Variants in NELL1 observed in about 807,000 individuals in gnomAD.
The protein encoded by NELL1 is protein kinase C-binding protein NELL1.
In NELL1, 76 loss-of-function variants were observed where a neutral mutation model predicts 107.4. The observed-to-expected ratio is 0.71, with a 90% CI of 0.59 to 0.86. The LOEUF is 0.86. NELL1 is among the 40% of genes least tolerant of loss of function. The probability of loss-of-function intolerance (pLI) is 0.00; values close to 1 mark genes in which losing one functional copy is unlikely to be tolerated. For synonymous variants in NELL1, 353 were observed against 341.2 expected, an observed-to-expected ratio of 1.03 and a Z score of -0.38; for missense variants, 1,024 against 1,005.5, an observed-to-expected ratio of 1.02 and a Z score of -0.25.
intron 13 of NELL1, among the ~76,000 whole-genome samples, chr11:21,126,216 C>T (rs1055519917): frequency 6.6e-6 from 1 of 152,112 alleles, no homozygotes; most frequent in Admixed American, 6.6e-5. Flanking sequence ...CAAATATAAC[C>T]TCCATCAGAG....
chr11:21,104,481 C>G (rs11025922), intron 12 of NELL1, among the ~76,000 whole-genome samples: 1,811 of 152,264 alleles, frequency 0.012, 35 homozygotes, highest in African/African-American at 0.042. Context: ...AATGACTTAG[C>G]ATGAATTCCC....
At chr11:21,362,439 T>C (rs1464017895) in intron 14 of NELL1, among the ~76,000 whole-genome samples, 2 of 152,188 alleles carry the variant, frequency 1.3e-5, no homozygotes, top group Non-Finnish European at 2.9e-5. Context: ...TGGTTGTGGA[T>C]ATGTTTAGTG....
At chr11:21,444,084 T>C (rs1415663280) in intron 15 of NELL1, among the ~76,000 whole-genome samples, 2 of 152,154 alleles carry the variant, frequency 1.3e-5, no homozygotes, top group Non-Finnish European at 2.9e-5. Flanking sequence ...TCTTCCAGTG[T>C]GTATACATTG....
At chr11:20,804,372 A>G (rs1229891274) in intron 3 of NELL1, among the ~76,000 whole-genome samples, 1 of 152,138 alleles carries the variant, frequency 6.6e-6, no homozygotes, top group Non-Finnish European at 1.5e-5. Flanking sequence ...AGTAGCTGAG[A>G]CTACAGGCAC....
intron 16 of NELL1, among the ~76,000 whole-genome samples, chr11:21,542,567 TG>T (rs760454079): frequency 8.6e-5 from 13 of 152,016 alleles, no homozygotes; most frequent in Non-Finnish European, 1.8e-4. Context: ...CTACGCGACA[TG>T]TTTTTGACAG....
chr11:20,994,914 A>C (rs1852055928), intron 12 of NELL1, among the ~76,000 whole-genome samples: 1 of 152,182 alleles, frequency 6.6e-6, no homozygotes, highest in Admixed American at 6.5e-5. Flanking sequence ...CCTTGAGACA[A>C]TCAGGTCTTG....
chr11:20,772,249 T>C (rs962369729), intron 2 of NELL1, among the ~76,000 whole-genome samples: 2 of 152,142 alleles, frequency 1.3e-5, no homozygotes, highest in Non-Finnish European at 2.9e-5. Context: ...AGGAGGAGTG[T>C]TGCTACGTAG....
intron 14 of NELL1, among the ~76,000 whole-genome samples, chr11:21,348,050 G>C (rs985601015): frequency 4.6e-5 from 7 of 152,160 alleles, no homozygotes; most frequent in Non-Finnish European, 1.5e-5. Flanking sequence ...ACCTGATGTG[G>C]CTAGAAGCTC....
chr11:21,332,999 A>G (rs1850305922), intron 14 of NELL1, among the ~76,000 whole-genome samples: 1 of 152,058 alleles, frequency 6.6e-6, no homozygotes, highest in African/African-American at 2.4e-5. Context: ...AAATAAATCA[A>G]TAAGTGCATA....
At chr11:20,805,258 A>G (rs1479380350) in intron 3 of NELL1, among the ~76,000 whole-genome samples, 2 of 152,108 alleles carry the variant, frequency 1.3e-5, no homozygotes, top group African/African-American at 4.8e-5. Flanking sequence ...CAGACACTTC[A>G]TGTCTTTTGA....
intron 13 of NELL1, among the ~76,000 whole-genome samples, chr11:21,212,859 C>T (rs1368029575): frequency 6.6e-6 from 1 of 151,816 alleles, no homozygotes; most frequent in Non-Finnish European, 1.5e-5. Context: ...AAGTTTTAGC[C>T]AAAACAATAA....
intron 13 of NELL1, among the ~76,000 whole-genome samples, chr11:21,156,444 A>G (rs1856236644): frequency 6.6e-6 from 1 of 152,132 alleles, no homozygotes; most frequent in African/African-American, 2.4e-5. Flanking sequence ...AGTGGAGCTC[A>G]TCTAGGCTAA....
At chr11:21,128,201 A>C (rs1262778917) in intron 13 of NELL1, among the ~76,000 whole-genome samples, 2 of 152,112 alleles carry the variant, frequency 1.3e-5, no homozygotes, top group African/African-American at 2.4e-5. Context: ...GACCCCACAT[A>C]ATTATTTTAC....
intron 12 of NELL1, among the ~76,000 whole-genome samples, chr11:21,099,234 AACACAC>A (rs1554967542): frequency 1.6e-5 from 1 of 64,004 alleles, no homozygotes; most frequent in African/African-American, 8.1e-5. Flanking sequence ...CACACACACA[AACACAC>A]ACACACACAC....
At chr11:21,441,251 C>A (rs1025546527) in intron 15 of NELL1, among the ~76,000 whole-genome samples, 1 of 151,140 alleles carries the variant, frequency 6.6e-6, no homozygotes, top group Non-Finnish European at 1.5e-5. Flanking sequence ...AAAGTGTCAA[C>A]CTTTGACATC....
intron 14 of NELL1, among the ~76,000 whole-genome samples, chr11:21,243,383 G>C (rs1858412567): frequency 6.6e-6 from 1 of 152,026 alleles, no homozygotes; most frequent in Admixed American, 6.6e-5. Context: ...AAATGATTTT[G>C]ACTCAGCCTC....
chr11:21,325,193 A>T (rs1262613969), intron 14 of NELL1, among the ~76,000 whole-genome samples: 2 of 152,090 alleles, frequency 1.3e-5, no homozygotes, highest in Admixed American at 1.3e-4. Flanking sequence ...TAGTATGACT[A>T]CTTTAATCTC....
chr11:20,994,575 C>T (rs1031100479), intron 12 of NELL1, among the ~76,000 whole-genome samples: 1 of 151,954 alleles, frequency 6.6e-6, no homozygotes, highest in South Asian at 2.1e-4. Flanking sequence ...AATGTAAAAC[C>T]AAGGAGTGGA....
In NELL1 at chr11:21,153,271, G is replaced by A. The variant is rs565668722; in HGVS notation, c.1426+39557G>A. Among the ~76,000 whole-genome samples the A allele has an allele frequency of 2.4e-3, 365 of 152,220 alleles. 2 individuals are homozygous for A. The highest frequency in any genetic ancestry group is 3.0e-3 in the Non-Finnish European group (201 of 67,990). On this transcript the variant is annotated intron_variant, in intron 13 of 19. Transcript: ENST00000357134. ...TGGGCAGACAGGCTTTCAGAAATGA[G>A]AAGCTCAGTTTGGGGCCTTGTGTCT...
Sources: gnomAD v4.1 joint callset for allele counts (sites outside exome capture counted in the v4.1 genomes callset) on GRCh38, gnomAD v4.1.1 for gene constraint, MANE v1.5 for transcripts, NCBI Gene and HGNC (gene_info 2026-07-23, HGNC 2026-07-21) for gene names.